Variants in GALK2 observed in about 807,000 individuals in gnomAD.
GALK2 encodes the protein N-acetylgalactosamine kinase.
GALK2 carries 36 observed loss-of-function variants against 52.4 expected under a neutral mutation model. The ratio of observed to expected loss-of-function variants is 0.69; its 90% CI spans 0.53 to 0.91. GALK2 has a LOEUF of 0.91. GALK2 is among the 40% of genes least tolerant of loss of function. The pLI is 0.00. For synonymous variants in GALK2, 176 were observed against 199.1 expected, an observed-to-expected ratio of 0.88 and a Z score of 0.98; for missense variants, 579 against 559.1, an observed-to-expected ratio of 1.04 and a Z score of -0.36.
At chr15:49,166,250 C>A (rs1171357239), upstream of GALK2, among the ~76,000 whole-genome samples, 1 of 152,030 alleles carries the variant, frequency 6.6e-6, no homozygotes, top group Non-Finnish European at 1.5e-5. Context: ...TTAGAGTCTT[C>A]GTTTTGTTTT....
chr15:49,230,288 G>T (rs146886423), intron 3 of GALK2, among the ~76,000 whole-genome samples: 1 of 152,104 alleles, frequency 6.6e-6, no homozygotes, highest in African/African-American at 2.4e-5. Flanking sequence ...TCTGTCAGTC[G>T]CATGGTCCTA....
At chr15:49,366,026 G>T (rs534618652) in intron 3 of GALK2, 1 of 802,240 alleles carries the variant, frequency 1.2e-6, no homozygotes, top group African/African-American at 1.7e-5. Context: ...ACTGTAAGAG[G>T]ACTAAAAGTT....
intron 5 of GALK2, among the ~76,000 whole-genome samples, chr15:49,264,647 C>T (rs946165304): frequency 8.4e-4 from 128 of 152,272 alleles, no homozygotes; most frequent in Non-Finnish European, 7.9e-4. Flanking sequence ...AGGAGAGGCG[C>T]TCTGCTTTTT....
At chr15:49,178,451 C>G in intron 1 of GALK2, 1 of 261,750 alleles carries the variant, frequency 3.8e-6, no homozygotes, top group Non-Finnish European at 7.5e-6. Context: ...CTTCAATGGA[C>G]TTCAAGCATA....
intron 5 of GALK2, among the ~76,000 whole-genome samples, chr15:49,265,215 T>G (rs960055782): frequency 3.5e-4 from 54 of 152,206 alleles, no homozygotes; most frequent in Non-Finnish European, 6.9e-4. Context: ...TGAGCTGTGG[T>G]GGGCTCCACC....
intron 3 of GALK2, among the ~76,000 whole-genome samples, chr15:49,346,989 T>TTATAA (rs1326416171): frequency 6.6e-6 from 1 of 152,212 alleles, no homozygotes; most frequent in African/African-American, 2.4e-5. Flanking sequence ...TTTTAAAAGG[T>TTATAA]TATAAGCACA....
In GALK2 at chr15:49,328,799, A is replaced by C. The variant is rs1246841769; in HGVS notation, c.*640A>C. The C allele has an allele frequency of 7.0e-7, 1 of 1,423,506 alleles. No homozygotes were observed. The highest frequency in any genetic ancestry group is 2.5e-5 in the East Asian group (1 of 39,964). The allele number at this position is 1,423,506 out of a possible 1,614,324, so 88.2% of individuals were successfully genotyped here. ...ATTTTTTTTTTTTTTTGACAAAAGGAGGATACAGGAAGAAAATTCAGACTC... is the reference window on the plus strand; with the variant it reads ...ATTTTTTTTTTTTTTTGACAAAAGGCGGATACAGGAAGAAAATTCAGACTC... On this transcript the variant is annotated 3_prime_UTR_variant, in exon 10 of 10. Coordinates refer to ENST00000560031, the MANE Select transcript of GALK2 (RefSeq NM_002044.4).
chr15:49,292,171 C>G (rs2034003192), intron 7 of GALK2, among the ~76,000 whole-genome samples, 156 bp from the exon 8 acceptor site: 1 of 152,036 alleles, frequency 6.6e-6, no homozygotes, highest in Non-Finnish European at 1.5e-5. Context: ...CATCTGAAGC[C>G]AGTATGCATT....
intron 8 of GALK2, among the ~76,000 whole-genome samples, chr15:49,304,211 T>TACC (rs1299676428): frequency 6.6e-6 from 1 of 152,236 alleles, no homozygotes; most frequent in Admixed American, 6.5e-5. Flanking sequence ...GGTTTCCACA[T>TACC]AAGTAAGTGT....
At chr15:49,173,878 G>A (rs1438065516) in intron 1 of GALK2, among the ~76,000 whole-genome samples, 1 of 152,022 alleles carries the variant, frequency 6.6e-6, no homozygotes, top group Non-Finnish European at 1.5e-5. Context: ...AAGTAGTTGG[G>A]ATCACAGGAA....
rs2037942465 is a variant in GALK2, at chr15:49,328,620, G to A, written c.*461G>A. On this transcript the variant is annotated 3_prime_UTR_variant, in exon 10 of 10. Transcript: ENST00000560031. The stretch of plus-strand genomic sequence containing the variant: ...GTTGTCTGTTGATGATGGTGATGAT[G>A]ATGATGATGACGATAGTGATGCCAC... The A allele has an allele frequency of 3.1e-6, 5 of 1,588,190 alleles. No individual in the cohort carries two copies. The East Asian group carries it at 1.1e-4, about 36-fold the overall frequency.
chr15:49,158,001 A>AT (rs199879992), intron 1 of GALK2, among the ~76,000 whole-genome samples: 5,196 of 150,402 alleles, frequency 0.035, 199 homozygotes, highest in African/African-American at 0.088. Flanking sequence ...GGAATAATGA[A>AT]TTTTTTTTTT....
intron 3 of GALK2, among the ~76,000 whole-genome samples, chr15:49,343,317 G>A (rs906646163): frequency 6.6e-6 from 1 of 151,872 alleles, no homozygotes; most frequent in Admixed American, 6.6e-5. Context: ...ACAGTCTATT[G>A]ATAAAACTTT....
rs945108429 is a variant in GALK2 at position 49,295,344 on chromosome 15, TATAG to T, written c.967+2822_967+2825del. On this transcript the variant is annotated intron_variant, in intron 8 of 9. Transcript: ENST00000560031. ...CTCTCTCTCTCTATCTATATATATA[TATAG>T]ATAGATAGATAGATTCATCTATCTA... Among the ~76,000 whole-genome samples the T allele has an allele frequency of 5.8e-3, 876 of 151,634 alleles. 8 individuals are homozygous for T. Among genetic ancestry groups the T allele is most frequent in the African/African-American group, 0.02 (819 of 41,278 alleles).
chr15:49,343,857 A>G (rs1320523833), intron 3 of GALK2: 4 of 152,180 alleles, frequency 2.6e-5, no homozygotes, highest in South Asian at 4.1e-4. Flanking sequence ...AATCTCCTAC[A>G]TGATATTGCT....
At chr15:49,223,490 A>G (rs2089948341) in intron 3 of GALK2, among the ~76,000 whole-genome samples, 1 of 152,152 alleles carries the variant, frequency 6.6e-6, no homozygotes, top group Non-Finnish European at 1.5e-5. Context: ...GGTAGTTAGC[A>G]TAGCAGCCAA....
downstream of GALK2, chr15:49,335,641 T>C (rs1271832009): frequency 1.8e-6 from 1 of 552,350 alleles, no homozygotes; most frequent in East Asian, 2.8e-5. Context: ...ATATTATGTC[T>C]GGAGTTACAC....
chr15:49,257,271 G>A (rs1400069638), intron 5 of GALK2, among the ~76,000 whole-genome samples: 1 of 152,136 alleles, frequency 6.6e-6, no homozygotes, highest in Non-Finnish European at 1.5e-5. Flanking sequence ...AGTTGTCATA[G>A]TAACAGTTCT....
intron 5 of GALK2, among the ~76,000 whole-genome samples, chr15:49,255,021 A>G (rs1009111156): frequency 9.7e-5 from 14 of 143,664 alleles, no homozygotes; most frequent in African/African-American, 3.2e-4. Flanking sequence ...CCATTTGGGA[A>G]TTAATTGCGG....
Sources: gnomAD v4.1 joint callset for allele counts (sites outside exome capture counted in the v4.1 genomes callset) on GRCh38, gnomAD v4.1.1 for gene constraint, MANE v1.5 for transcripts, NCBI Gene and HGNC (gene_info 2026-07-23, HGNC 2026-07-21) for gene names.